The following AGBL1 variants were observed in gnomAD, a reference collection of about 807,000 sequenced individuals.
The protein encoded by AGBL1 is cytosolic carboxypeptidase 4.
Under a neutral mutation model 118.9 loss-of-function variants are expected in AGBL1, and 130 were observed. The observed-to-expected ratio is 1.09, with a 90% CI of 0.95 to 1.26. The LOEUF is 1.26. Ranked by LOEUF, AGBL1 falls within the 50% of genes most tolerant of loss-of-function variation. The pLI, the probability that AGBL1 is intolerant of heterozygous loss-of-function variation, is 0.00. For synonymous variants in AGBL1, 555 were observed against 478.9 expected, an observed-to-expected ratio of 1.16 and a Z score of -2.08; for missense variants, 1,584 against 1,298.1, an observed-to-expected ratio of 1.22 and a Z score of -3.38.
Position 86,739,441 on chromosome 15 carries a change from C to G in AGBL1, c.3158+65005C>G, listed in dbSNP as rs149077835. ...CTGGGCAACAAGAGCGAAACTCCAT[C>G]TCAAAAAAAAAAAAAAAAAAAAAAG... On this transcript the variant is annotated intron_variant, in intron 22 of 22. Transcript: ENST00000614907. Among the ~76,000 whole-genome samples, 15 of 30,248 alleles carry G rather than the reference C, an allele frequency of 5.0e-4. No individual in the cohort carries two copies. In the South Asian group the frequency reaches 0.014, roughly 27 times the overall value. The allele number at this position is 30,248 out of a possible 152,430, so 19.8% of individuals were successfully genotyped here.
chr15:86,469,481 C>A (rs150356503), intron 18 of AGBL1, among the ~76,000 whole-genome samples: 140 of 152,262 alleles, frequency 9.2e-4, no homozygotes, highest in Non-Finnish European at 1.2e-3. Flanking sequence ...CCATTCATCT[C>A]TCCATGGACA....
intron 21 of AGBL1, among the ~76,000 whole-genome samples, chr15:86,592,372 T>C (rs2084349475): frequency 6.6e-6 from 1 of 152,078 alleles, no homozygotes; most frequent in Non-Finnish European, 1.5e-5. Flanking sequence ...GGAGTGAAAG[T>C]TTATTTAAAA....
chr15:86,693,776 G>A (rs2086211541), intron 22 of AGBL1, among the ~76,000 whole-genome samples: 1 of 152,070 alleles, frequency 6.6e-6, no homozygotes, highest in African/African-American at 2.4e-5. Context: ...TTTTGTATAA[G>A]GTGAGAGATG....
chr15:86,527,517 TA>T (rs1278841246), intron 19 of AGBL1, among the ~76,000 whole-genome samples: 1 of 152,180 alleles, frequency 6.6e-6, no homozygotes, highest in Non-Finnish European at 1.5e-5. Flanking sequence ...TTTAGTTACC[TA>T]GGAGGCTATA....
intron 22 of AGBL1, among the ~76,000 whole-genome samples, chr15:86,898,889 A>T (rs1332615285): frequency 6.6e-6 from 1 of 152,184 alleles, no homozygotes; most frequent in Non-Finnish European, 1.5e-5. Context: ...GTCAAAAAAT[A>T]ACATTTGCTA....
chr15:86,241,734 C>G (rs1187204178), intron 6 of AGBL1, among the ~76,000 whole-genome samples: 3 of 152,216 alleles, frequency 2.0e-5, no homozygotes, highest in Non-Finnish European at 4.4e-5. Context: ...TTAATACTAT[C>G]ACATTGACAA....
chr15:86,358,376 C>T (rs1420565837), intron 17 of AGBL1, among the ~76,000 whole-genome samples: 2 of 152,146 alleles, frequency 1.3e-5, no homozygotes, highest in South Asian at 2.1e-4. Flanking sequence ...CATTTTAAGG[C>T]TGAATAATAT....
At position 87,028,900 on chromosome 15, in the gene AGBL1, G is replaced by C. The variant is rs1048614008; in HGVS notation, c.*60G>C. 2.6e-6 allele frequency: 4 copies of C among 1,537,126 alleles called. No homozygotes were observed. In the African/African-American group the frequency reaches 5.5e-5, roughly 21 times the overall value. On this transcript the variant is annotated 3_prime_UTR_variant, in exon 25 of 25. Transcript: ENST00000441037. ...CATGCCATGTGCCCAGCTCCTCCTG[G>C]ATCTGTGAGGAAATATCTGAAACCT... is the stretch of plus-strand genomic sequence containing the variant.
In AGBL1 at chr15:86,912,367, A is replaced by G. The variant is rs2080363886; in HGVS notation, c.*5073A>G. ...TTCCCAGGAGCTGCCACATTTACCCAGGGGCTCTGCCTCCTATGCTCCCTT... is the reference window on the plus strand; with the variant it reads ...TTCCCAGGAGCTGCCACATTTACCCGGGGGCTCTGCCTCCTATGCTCCCTT... On this transcript the variant is annotated 3_prime_UTR_variant, in exon 23 of 23. Transcript: ENST00000614907. 2.0e-5 allele frequency: 3 copies of G among 152,054 alleles called. No homozygotes were observed. Among genetic ancestry groups the G allele is most frequent in the East Asian group, 1.9e-4 (1 of 5,178 alleles). 9.4% of individuals were successfully genotyped at this position (152,054 alleles called of 1,614,324 possible). A position where few individuals can be genotyped will look rare whatever the true frequency, so the allele number is the denominator to read the frequency against.
chr15:86,586,919 A>G (rs972020089), intron 21 of AGBL1, among the ~76,000 whole-genome samples: 1 of 152,104 alleles, frequency 6.6e-6, no homozygotes, highest in African/African-American at 2.4e-5. Context: ...AGTAGGCCAC[A>G]ATATACTGGG....
At chr15:86,312,729 G>C (rs1357679314) in intron 17 of AGBL1, among the ~76,000 whole-genome samples, 1 of 152,150 alleles carries the variant, frequency 6.6e-6, no homozygotes, top group Non-Finnish European at 1.5e-5. Flanking sequence ...TCAACATGTA[G>C]TGATGCACAT....
chr15:86,198,484 A>C (rs1374828690), intron 5 of AGBL1, among the ~76,000 whole-genome samples: 1 of 152,220 alleles, frequency 6.6e-6, no homozygotes, highest in Non-Finnish European at 1.5e-5. Context: ...TCAAGGGGTC[A>C]GAGGCAGAAT....
chr15:87,022,626 A>G (rs1448219221), intron 24 of AGBL1, among the ~76,000 whole-genome samples: 2 of 152,100 alleles, frequency 1.3e-5, no homozygotes, highest in Non-Finnish European at 2.9e-5. Context: ...ATTCATCACA[A>G]AAAGATCATC....
chr15:86,699,226 A>G (rs538461417), intron 22 of AGBL1, among the ~76,000 whole-genome samples: 32 of 152,192 alleles, frequency 2.1e-4, no homozygotes, highest in Middle Eastern at 3.4e-3. Context: ...TACACAGACT[A>G]TATATACCCA....
chr15:87,004,149 G>A (rs2081471606), intron 24 of AGBL1, among the ~76,000 whole-genome samples: 1 of 152,172 alleles, frequency 6.6e-6, no homozygotes, highest in Non-Finnish European at 1.5e-5. Context: ...ATGTCCCAGA[G>A]ATTCTGGTAT....
At chr15:86,952,439 C>T (rs1194138352) in intron 23 of AGBL1, among the ~76,000 whole-genome samples, 1 of 152,016 alleles carries the variant, frequency 6.6e-6, no homozygotes, top group African/African-American at 2.4e-5. Context: ...AGATAATTGA[C>T]ACTTAATGTG....
chr15:87,020,748 A>G (rs1463065125), intron 24 of AGBL1, among the ~76,000 whole-genome samples: 2 of 152,124 alleles, frequency 1.3e-5, no homozygotes, highest in East Asian at 3.9e-4. Flanking sequence ...CTCATTCACA[A>G]TTGCTACAAA....
At chr15:86,633,478 G>T (rs1028408333) in intron 21 of AGBL1, among the ~76,000 whole-genome samples, 6 of 152,022 alleles carry the variant, frequency 3.9e-5, no homozygotes, top group Non-Finnish European at 8.8e-5. Flanking sequence ...TTACTGGGAA[G>T]TACTTAGAAT....
intron 22 of AGBL1, among the ~76,000 whole-genome samples, chr15:86,698,613 T>G (rs1161708170): frequency 6.6e-6 from 1 of 151,436 alleles, no homozygotes; most frequent in Non-Finnish European, 1.5e-5. Context: ...GATCATTGTT[T>G]TTTTTTTTTT....
Sources: gnomAD v4.1 joint callset for allele counts (sites outside exome capture counted in the v4.1 genomes callset) on GRCh38, gnomAD v4.1.1 for gene constraint, MANE v1.5 for transcripts, NCBI Gene and HGNC (gene_info 2026-07-23, HGNC 2026-07-21) for gene names.